Variants in KCNH2 observed in about 807,000 individuals in gnomAD.
KCNH2 encodes voltage-gated inwardly rectifying potassium channel KCNH2.
Under a neutral mutation model 95.9 loss-of-function variants are expected in KCNH2, and 35 were observed. The ratio of observed to expected loss-of-function variants is 0.37; its 90% confidence interval spans 0.28 to 0.48. The LOEUF is 0.48. KCNH2 is among the 20% of genes least tolerant of loss of function. The pLI, the probability that KCNH2 is intolerant of heterozygous loss-of-function variation, is 0.99. For missense variants in KCNH2, 1,274 were observed against 1,702.9 expected, an observed-to-expected ratio of 0.75 and a Z score of 4.43; for synonymous variants, 786 against 754.7, an observed-to-expected ratio of 1.04 and a Z score of -0.68.
rs891215610 is a variant in KCNH2, at chr7:150,958,441, C to T, written c.534G>A (p.Ser178=). The T allele has an allele frequency of 6.8e-7, 1 of 1,463,878 alleles. No homozygotes were observed. Among genetic ancestry groups the T allele is most frequent in the Non-Finnish European group, 9.0e-7 (1 of 1,114,906 alleles). 90.7% of individuals were successfully genotyped at this position (1,463,878 alleles called of 1,614,324 possible). A position where few individuals can be genotyped will look rare whatever the true frequency, so the allele number is the denominator to read the frequency against. ...CGCCCGCGCCGCCCGACCGCACCGA[C>T]GACTCCCGGGCCGTCAGCGCCAGCA... ...PALLALTARE[S]SVRSGGAGGA... Residue 178 remains serine (S), a synonymous_variant, in exon 4 of 15, where the codon TCG becomes TCA. Transcript: ENST00000262186.
At chr7:150,949,406 GCA>G (rs1460578713) in intron 9 of KCNH2, 38 of 523,338 alleles carry the variant, frequency 7.3e-5, no homozygotes, top group Non-Finnish European at 8.4e-5. Flanking sequence ...ATCAAAACCA[GCA>G]TTTTTTTTTT....
chr7:150,963,651 G>A (rs1020371308), intron 2 of KCNH2, among the ~76,000 whole-genome samples: 35 of 150,624 alleles, frequency 2.3e-4, no homozygotes, highest in Non-Finnish European at 4.4e-4. Context: ...CCTTACTTTG[G>A]GTGAGAAGGT....
At chr7:150,950,554 G>A (rs1360459932) in intron 8 of KCNH2, 134 bp from the exon 9 acceptor site, 5 of 1,225,048 alleles carry the variant, frequency 4.1e-6, no homozygotes, top group East Asian at 2.5e-5. Context: ...AAGCATCAGG[G>A]GGCCCAGTGT....
intron 1 of KCNH2, among the ~76,000 whole-genome samples, chr7:150,975,168 C>T (rs1801950495): frequency 6.6e-6 from 1 of 151,864 alleles, no homozygotes; most frequent in South Asian, 2.1e-4. Context: ...GCCTGGCCCG[C>T]GGGCGGGCTG....
In KCNH2 at chr7:150,958,102, CATGGCCTCG is replaced by C; in HGVS notation, c.864_872del (p.Ile288_Ala290del). The C allele has an allele frequency of 7.8e-7, 1 of 1,290,038 alleles. No individual in the cohort carries two copies. The highest frequency in any genetic ancestry group is 9.8e-7 in the Non-Finnish European group (1 of 1,023,132). The allele number at this position is 1,290,038 out of a possible 1,614,324, so 79.9% of individuals were successfully genotyped here. On this transcript the variant is annotated inframe_deletion, in exon 4 of 15. Transcript: ENST00000262186. ...GTGGCGGGGGCAGCACCCCGGCGCG[CATGGCCTCG>C]ATGTCGTCGGCCGACGAGGCGCGGC...
chr7:150,975,061 G>T, intron 1 of KCNH2, 120 bp from the exon 2 acceptor site: 1 of 797,996 alleles, frequency 1.3e-6, no homozygotes, highest in Non-Finnish European at 1.8e-6. Flanking sequence ...AGGAAGCATG[G>T]CTGGGACTGG....
At chr7:150,951,902 TG>T in intron 6 of KCNH2, 67 bp from the exon 7 acceptor site, 1 of 1,427,596 alleles carries the variant, frequency 7.0e-7, no homozygotes, top group Non-Finnish European at 9.4e-7. Flanking sequence ...GGGGAGGTGC[TG>T]CGGCCCTCAG....
chr7:150,968,133 G>C (rs964791438), intron 2 of KCNH2, among the ~76,000 whole-genome samples: 2 of 152,228 alleles, frequency 1.3e-5, no homozygotes, highest in Admixed American at 1.3e-4. Context: ...ATAATGTCGA[G>C]AGTGGCCAAG....
intron 1 of KCNH2, among the ~76,000 whole-genome samples, chr7:150,976,938 C>G (rs1801995155): frequency 6.6e-6 from 1 of 152,140 alleles, no homozygotes. Context: ...GTCCTGTGCT[C>G]ACAGGGTCAT....
At chr7:150,968,735 C>T (rs1435750215) in intron 2 of KCNH2, among the ~76,000 whole-genome samples, 4 of 152,056 alleles carry the variant, frequency 2.6e-5, no homozygotes, top group South Asian at 2.1e-4. Flanking sequence ...AGGCAGGACC[C>T]GGGGCCAGCA....
chr7:150,958,300 G>A lies in KCNH2; in HGVS notation c.675C>T (p.Leu225=), dbSNP rs760401552. 35 of 1,474,776 alleles carry A rather than the reference G, an allele frequency of 2.4e-5. No homozygotes were observed. The highest frequency in any genetic ancestry group is 2.9e-5 in the Non-Finnish European group (32 of 1,118,658). 91.4% of individuals were successfully genotyped at this position (1,474,776 alleles called of 1,614,324 possible). Reference sequence around the variant, plus strand: ...GCGCACGCCGCTCCTCCGCGGGCCCGAGCCCTGCCACGTGGTTGTCCATGG... The same window carrying A: ...GCGCACGCCGCTCCTCCGCGGGCCCAAGCCCTGCCACGTGGTTGTCCATGG... ...VTAMDNHVAG[L]GPAEERRALV... Residue 225 remains leucine (L), a synonymous_variant, in exon 4 of 15, where the codon CTC becomes CTT. Coordinates refer to ENST00000262186, the MANE Select transcript of KCNH2 (RefSeq NM_000238.4).
intron 1 of KCNH2, among the ~76,000 whole-genome samples, chr7:150,976,614 G>A (rs1327017744): frequency 6.6e-6 from 1 of 152,082 alleles, no homozygotes; most frequent in East Asian, 1.9e-4. Flanking sequence ...CTGGAATACA[G>A]GGATGGGACA....
At chr7:150,970,708 G>T (rs1801820372) in intron 2 of KCNH2, among the ~76,000 whole-genome samples, 1 of 152,214 alleles carries the variant, frequency 6.6e-6, no homozygotes, top group East Asian at 1.9e-4. Flanking sequence ...CAGCCCTGCA[G>T]ATTCTCCCAC....
At chr7:150,969,746 C>T (rs1015935938) in intron 2 of KCNH2, among the ~76,000 whole-genome samples, 1 of 152,174 alleles carries the variant, frequency 6.6e-6, no homozygotes, top group Non-Finnish European at 1.5e-5. Flanking sequence ...GGCCTGGTGG[C>T]GGGGAGAGGG....
Position 150,945,319 on chromosome 7 carries a change from C to T in KCNH2, c.*46G>A, listed in dbSNP as rs776906544. 27 of 1,556,860 alleles carry T rather than the reference C, an allele frequency of 1.7e-5. No individual in the cohort carries two copies. Among genetic ancestry groups the T allele is most frequent in the East Asian group, 7.1e-5 (3 of 42,172 alleles). On this transcript the variant is annotated 3_prime_UTR_variant, in exon 15 of 15. Transcript: ENST00000262186. This position sits in a 1 kb window ranked among gnomAD's most constrained non-coding sequence, Gnocchi z 5.6. ...GCCTCCAAGGGGAGCGGCCCAGCAG[C>T]GCCTTGATCCCTGGGTGAGCCACGT...
chr7:150,955,609 C>T (rs1295593624), intron 5 of KCNH2: 7 of 1,436,000 alleles, frequency 4.9e-6, no homozygotes, highest in Non-Finnish European at 6.4e-6. Flanking sequence ...ACCCCCGAGG[C>T]TGGCCGACTG....
At position 150,945,235 on chromosome 7, in the gene KCNH2, G is replaced by C. The variant is rs988881943; in HGVS notation, c.*130C>G. 9.6e-7 allele frequency: 1 copy of C among 1,046,344 alleles called. No individual in the cohort carries two copies. Among genetic ancestry groups the C allele is most frequent in the Admixed American group, 2.7e-5 (1 of 37,558 alleles). The allele number at this position is 1,046,344 out of a possible 1,614,324, so 64.8% of individuals were successfully genotyped here. ...AGGAGAAGATGGTCCCAAGGGCTGG[G>C]GGAGGAGCTGTGCTTTCGAGTTCCT... On this transcript the variant is annotated 3_prime_UTR_variant, in exon 15 of 15. Transcript: ENST00000262186. The surrounding 1 kb of genome is among the most constrained non-coding windows in gnomAD (Gnocchi z 5.6).
chr7:150,977,001 C>T (rs749191572), intron 1 of KCNH2, among the ~76,000 whole-genome samples: 3 of 152,160 alleles, frequency 2.0e-5, no homozygotes, highest in Non-Finnish European at 4.4e-5. Context: ...CAGTCACACC[C>T]ACTGTGGCTC....
Position 150,945,292 on chromosome 7 carries a change from G to A in KCNH2, c.*73C>T. 6.7e-7 allele frequency: 1 copy of A among 1,493,048 alleles called. No homozygotes were observed. Among genetic ancestry groups the A allele is most frequent in the Non-Finnish European group, 9.0e-7 (1 of 1,105,874 alleles). 92.5% of individuals were successfully genotyped at this position (1,493,048 alleles called of 1,614,324 possible). On this transcript the variant is annotated 3_prime_UTR_variant, in exon 15 of 15. Transcript: ENST00000262186. The surrounding 1 kb of genome is among the most constrained non-coding windows in gnomAD (Gnocchi z 5.6). ...TTCCACGGTCAGGGCCTCCTGAGCA[G>A]GGCCTCCAAGGGGAGCGGCCCAGCA...
Sources: allele counts gnomAD v4.1 joint callset (sites outside exome capture counted in the v4.1 genomes callset), GRCh38; gene constraint gnomAD v4.1.1; non-coding constraint Gnocchi (gnomAD v3.1); transcripts MANE v1.5; gene names NCBI Gene and HGNC (gene_info 2026-07-23, HGNC 2026-07-21).